JAK2: variants seen among roughly 807,000 people sequenced by gnomAD.
JAK2 encodes Janus kinase 2.
JAK2 carries 86 observed loss-of-function variants against 139.3 expected under a neutral mutation model. The observed-to-expected ratio is 0.62, with a 90% CI of 0.52 to 0.74. The LOEUF (loss-of-function observed/expected upper bound fraction) is 0.74, where lower values mean the gene tolerates loss of function less well. Among genes scored for constraint, JAK2 ranks in the 30% least tolerant of loss-of-function variants. The pLI is 0.00. For missense variants in JAK2, 1,421 were observed against 1,360.3 expected (o/e 1.04, Z -0.70); for synonymous variants, 490 against 437.7 (o/e 1.12, Z -1.49).
chr9:5,046,013 A>G (rs1446232034), intron 5 of JAK2, among the ~76,000 whole-genome samples: 1 of 152,184 alleles, frequency 6.6e-6, no homozygotes, highest in African/African-American at 2.4e-5. Context: ...AGCAGTGCAC[A>G]AGTGTTCCAA....
intron 16 of JAK2, among the ~76,000 whole-genome samples, chr9:5,079,537 T>A (rs1372975419): frequency 6.6e-6 from 1 of 152,094 alleles, no homozygotes; most frequent in Non-Finnish European, 1.5e-5. Flanking sequence ...GCCATGGCTA[T>A]TAAATCATTA....
chr9:5,062,212 C>CTG (rs1490775130), intron 8 of JAK2, among the ~76,000 whole-genome samples: 1 of 151,802 alleles, frequency 6.6e-6, no homozygotes, highest in Non-Finnish European at 1.5e-5. Flanking sequence ...TGACATTTTG[C>CTG]ATATATGGGT....
At chr9:5,099,656 C>G (rs1821307621) in intron 22 of JAK2, 1 of 152,206 alleles carries the variant, frequency 6.6e-6, no homozygotes, top group Non-Finnish European at 1.5e-5. Context: ...TTTCCAACCT[C>G]TAGTCATCAA....
intron 23 of JAK2, 142 bp from the exon 24 acceptor site, chr9:5,126,191 A>G (rs1405440976): frequency 1.8e-6 from 1 of 570,694 alleles, no homozygotes; most frequent in Non-Finnish European, 3.1e-6. Flanking sequence ...TTTTGATCCT[A>G]AAAGTAGTTT....
At chr9:4,994,943 C>CGT (rs368477952) in intron 2 of JAK2, among the ~76,000 whole-genome samples, 20,503 of 151,062 alleles carry the variant, frequency 0.14, 3,426 homozygotes, top group African/African-American at 0.4. Flanking sequence ...TTTGTCAGGG[C>CGT]GTGTGTGTGT....
chr9:5,012,550 G>A (rs531205251), intron 2 of JAK2, among the ~76,000 whole-genome samples: 1 of 152,166 alleles, frequency 6.6e-6, no homozygotes, highest in South Asian at 2.1e-4. Context: ...CTCATTAAGG[G>A]AGGCAACCCA....
chr9:5,010,780 G>A (rs1821651557), intron 2 of JAK2, among the ~76,000 whole-genome samples: 1 of 152,128 alleles, frequency 6.6e-6, no homozygotes, highest in African/African-American at 2.4e-5. Context: ...TCTTGAGTGT[G>A]AGTTTGTTGG....
At chr9:5,083,088 T>G (rs959197349) in intron 19 of JAK2, among the ~76,000 whole-genome samples, 2 of 152,218 alleles carry the variant, frequency 1.3e-5, no homozygotes, top group Non-Finnish European at 2.9e-5. Flanking sequence ...TCAAATTGAC[T>G]TGACCAAGAG....
intron 4 of JAK2, among the ~76,000 whole-genome samples, chr9:5,038,921 A>G (rs564403766): frequency 1.3e-5 from 2 of 152,274 alleles, no homozygotes; most frequent in East Asian, 3.9e-4. Flanking sequence ...GATCATCCCA[A>G]GAGACACAGA....
intron 2 of JAK2, among the ~76,000 whole-genome samples, chr9:5,002,041 G>A (rs1006629437): frequency 4.4e-4 from 67 of 151,854 alleles, no homozygotes; most frequent in African/African-American, 1.5e-3. Context: ...ATCATATGGG[G>A]CACATATTGG....
intron 6 of JAK2, among the ~76,000 whole-genome samples, chr9:5,051,116 T>G (rs1437786446): frequency 1.3e-5 from 2 of 152,164 alleles, no homozygotes; most frequent in Non-Finnish European, 2.9e-5. Flanking sequence ...TTGGAACATT[T>G]CGTATTTCAG....
chr9:5,089,459 A>T (rs958120402), intron 19 of JAK2, among the ~76,000 whole-genome samples: 13 of 145,528 alleles, frequency 8.9e-5, no homozygotes, highest in African/African-American at 3.1e-4. Context: ...AATGGTGTGA[A>T]CCCAGGGGGC....
chr9:5,058,288 C>T (rs1396055778), intron 8 of JAK2, among the ~76,000 whole-genome samples: 1 of 152,172 alleles, frequency 6.6e-6, no homozygotes, highest in African/African-American at 2.4e-5. Context: ...AATTGACTCG[C>T]AGTTCGGCAT....
At chr9:5,023,433 C>T (rs758756106) in intron 3 of JAK2, among the ~76,000 whole-genome samples, 3 of 152,044 alleles carry the variant, frequency 2.0e-5, no homozygotes, top group Non-Finnish European at 4.4e-5. Flanking sequence ...GCTTAGGACT[C>T]GGGGGGAGCG....
intron 22 of JAK2, chr9:5,099,043 G>A (rs945609467): frequency 3.9e-5 from 6 of 152,060 alleles, no homozygotes; most frequent in Admixed American, 1.3e-4. Flanking sequence ...AAAACCAGGA[G>A]AACTTCGACT....
chr9:5,112,581 T>G, intron 22 of JAK2: 1 of 715,266 alleles, frequency 1.4e-6, no homozygotes, highest in Non-Finnish European at 2.3e-6. Context: ...TGCGGGTCCC[T>G]TAAGAGGGCT....
chr9:5,093,380 A>T (rs1820734371), intron 22 of JAK2, among the ~76,000 whole-genome samples: 1 of 152,176 alleles, frequency 6.6e-6, no homozygotes, highest in Non-Finnish European at 1.5e-5. Context: ...TTGCAAAGGT[A>T]ACATAATCAC....
Position 5,080,396 on chromosome 9 carries a change from C to CT in JAK2, c.2283+17dup. On this transcript the variant is annotated intron_variant, in intron 17 of 24. Coordinates refer to ENST00000381652, the MANE Select transcript of JAK2 (RefSeq NM_004972.4). Reference sequence around the variant, plus strand: ...TTCTCAAAGAGTAAGTTTATATAGACTAAGTTAGAATTACTCTATCTCTGA... The same window carrying CT: ...TTCTCAAAGAGTAAGTTTATATAGACTTAAGTTAGAATTACTCTATCTCTGA... 1 of 1,590,510 alleles carries CT rather than the reference C, an allele frequency of 6.3e-7. No homozygotes were observed.
chr9:4,984,952 G>T (rs1466766455), upstream of JAK2: 2 of 152,276 alleles, frequency 1.3e-5, no homozygotes, highest in Non-Finnish European at 2.9e-5. Flanking sequence ...ACGCGCGCTC[G>T]CCGGCTTCCC....
Sources: allele counts gnomAD v4.1 joint callset (sites outside exome capture counted in the v4.1 genomes callset), GRCh38; gene constraint gnomAD v4.1.1; transcripts MANE v1.5; gene names NCBI Gene and HGNC (gene_info 2026-07-23, HGNC 2026-07-21).